Variants in MAML2 observed in about 807,000 individuals in gnomAD.
The protein encoded by MAML2 is mastermind-like protein 2.
A neutral mutation model predicts 96.1 loss-of-function variants in MAML2; 22 were observed. That is an observed-to-expected ratio of 0.23 (90% CI 0.16 to 0.33). MAML2 has a LOEUF of 0.33. Among genes scored for constraint, MAML2 ranks in the 10% least tolerant of loss-of-function variants. MAML2 has a pLI of 1.00. For missense variants in MAML2, 1,367 were observed against 1,392.4 expected (o/e 0.98, Z 0.29); for synonymous variants, 561 against 521.3 (o/e 1.08, Z -1.04).
chr11:96,311,951 C>T (rs796644418), intron 1 of MAML2, among the ~76,000 whole-genome samples: 8 of 152,070 alleles, frequency 5.3e-5, no homozygotes, highest in African/African-American at 1.4e-4. Flanking sequence ...CTAGAATGAG[C>T]AAACACCGGC....
chr11:96,196,280 C>A (rs1387720217), intron 1 of MAML2, among the ~76,000 whole-genome samples: 2 of 150,896 alleles, frequency 1.3e-5, no homozygotes, highest in African/African-American at 2.4e-5. Flanking sequence ...ATCCCAGTTG[C>A]TTCGGTGATT....
At chr11:96,006,683 C>T (rs895313692) in intron 2 of MAML2, among the ~76,000 whole-genome samples, 2 of 149,232 alleles carry the variant, frequency 1.3e-5, no homozygotes, top group Admixed American at 6.6e-5. Flanking sequence ...CTCAGCCTCC[C>T]GAGTAGCTGG....
intron 1 of MAML2, among the ~76,000 whole-genome samples, chr11:96,303,551 A>G (rs1160485422): frequency 6.6e-6 from 1 of 152,168 alleles, no homozygotes; most frequent in Non-Finnish European, 1.5e-5. Context: ...AGTGTGGCCC[A>G]TATAAATTTT....
At chr11:96,129,253 A>G (rs1263932901) in intron 1 of MAML2, among the ~76,000 whole-genome samples, 1 of 152,184 alleles carries the variant, frequency 6.6e-6, no homozygotes, top group African/African-American at 2.4e-5. Flanking sequence ...TTTTCCTTCA[A>G]AAAAGATGTT....
At chr11:96,312,735 A>C (rs1209056695) in intron 1 of MAML2, among the ~76,000 whole-genome samples, 2 of 152,226 alleles carry the variant, frequency 1.3e-5, no homozygotes, top group Non-Finnish European at 2.9e-5. Flanking sequence ...TGTGGCATTA[A>C]GCACATTCAC....
intron 2 of MAML2, among the ~76,000 whole-genome samples, chr11:96,048,609 C>T (rs995677772): frequency 1.3e-5 from 2 of 152,114 alleles, no homozygotes; most frequent in Non-Finnish European, 2.9e-5. Context: ...ATTAAATTTA[C>T]CTTCATTGGA....
chr11:96,243,356 C>T (rs1387854755), intron 1 of MAML2, among the ~76,000 whole-genome samples: 1 of 152,162 alleles, frequency 6.6e-6, no homozygotes, highest in African/African-American at 2.4e-5. Context: ...GAATTGCCTG[C>T]ACTCCTTAAA....
At position 95,978,883 on chromosome 11, in the gene MAML2, A is replaced by G. The variant is rs1023658222; in HGVS notation, c.*65T>C. Reference sequence around the variant, plus strand: ...CCTGAACATCAACAGTTCAGCCTCTACAGAGTTTCTGTAATATACTGCCTT... The same window carrying G: ...CCTGAACATCAACAGTTCAGCCTCTGCAGAGTTTCTGTAATATACTGCCTT... On this transcript the variant is annotated 3_prime_UTR_variant, in exon 5 of 5. Coordinates refer to ENST00000524717, the MANE Select transcript of MAML2 (RefSeq NM_032427.4). 10 of 1,410,902 alleles carry G rather than the reference A, an allele frequency of 7.1e-6. No individual in the cohort carries two copies. The African/African-American group carries it at 1.1e-4, about 16-fold the overall frequency. 87.4% of individuals were successfully genotyped at this position (1,410,902 alleles called of 1,614,324 possible). A position where few individuals can be genotyped will look rare whatever the true frequency, so the allele number is the denominator to read the frequency against.
At chr11:96,216,039 A>T (rs138517045) in intron 1 of MAML2, among the ~76,000 whole-genome samples, 1 of 122,510 alleles carries the variant, frequency 8.2e-6, no homozygotes, top group Non-Finnish European at 1.8e-5. Flanking sequence ...CAATTTGCTT[A>T]AAAAAAAAAT....
At chr11:96,023,743 C>T (rs887119517) in intron 2 of MAML2, among the ~76,000 whole-genome samples, 27 of 152,242 alleles carry the variant, frequency 1.8e-4, no homozygotes, top group African/African-American at 5.8e-4. Flanking sequence ...GTTCACATCT[C>T]GAACATTTCC....
intron 1 of MAML2, among the ~76,000 whole-genome samples, chr11:96,132,753 C>G (rs941443042): frequency 6.6e-6 from 1 of 152,196 alleles, no homozygotes; most frequent in Admixed American, 6.5e-5. Context: ...AATTTGTCCT[C>G]TCTACCTGTA....
chr11:96,005,039 C>T (rs542156376), intron 2 of MAML2, among the ~76,000 whole-genome samples: 1 of 152,260 alleles, frequency 6.6e-6, no homozygotes, highest in East Asian at 1.9e-4. Flanking sequence ...TGGAAGAATG[C>T]CATGATGAGA....
intron 1 of MAML2, among the ~76,000 whole-genome samples, chr11:96,309,696 A>T (rs1335106611): frequency 1.4e-5 from 2 of 138,734 alleles, no homozygotes; most frequent in African/African-American, 2.7e-5. Flanking sequence ...CAAAGGAACA[A>T]TTTTTTTTTT....
At chr11:96,162,116 AG>A (rs1861114050) in intron 1 of MAML2, among the ~76,000 whole-genome samples, 1 of 151,796 alleles carries the variant, frequency 6.6e-6, no homozygotes. Flanking sequence ...ATAAAGTTAA[AG>A]GGCATGTACA....
intron 1 of MAML2, among the ~76,000 whole-genome samples, chr11:96,335,056 T>C (rs1863901578): frequency 6.6e-6 from 1 of 152,176 alleles, no homozygotes; most frequent in Non-Finnish European, 1.5e-5. Flanking sequence ...CATCATGCCA[T>C]GAATCAGGGA....
At chr11:96,123,797 G>A (rs1247094564) in intron 1 of MAML2, among the ~76,000 whole-genome samples, 8 of 152,082 alleles carry the variant, frequency 5.3e-5, no homozygotes, top group African/African-American at 9.7e-5. Context: ...TAACCCGGCC[G>A]GCATGGTGGC....
chr11:96,247,301 C>T, intron 1 of MAML2, among the ~76,000 whole-genome samples: 1 of 152,114 alleles, frequency 6.6e-6, no homozygotes, highest in East Asian at 1.9e-4. Context: ...TCTAGAGAAA[C>T]AGTTTGGAGA....
At chr11:96,170,657 A>T (rs1861276030) in intron 1 of MAML2, among the ~76,000 whole-genome samples, 1 of 152,180 alleles carries the variant, frequency 6.6e-6, no homozygotes, top group Non-Finnish European at 1.5e-5. Flanking sequence ...TGGCTAATGC[A>T]TGGGGCTGGA....
At chr11:96,151,957 C>T (rs1396641217) in intron 1 of MAML2, among the ~76,000 whole-genome samples, 1 of 152,140 alleles carries the variant, frequency 6.6e-6, no homozygotes, top group East Asian at 1.9e-4. Flanking sequence ...TGACTTATGC[C>T]TGTAATCTTG....
Sources: allele counts gnomAD v4.1 joint callset (sites outside exome capture counted in the v4.1 genomes callset), GRCh38; gene constraint gnomAD v4.1.1; transcripts MANE v1.5; gene names NCBI Gene and HGNC (gene_info 2026-07-23, HGNC 2026-07-21).